The following CIT variants were observed in gnomAD, a reference collection of about 807,000 sequenced individuals.
CIT encodes citron rho-interacting serine/threonine kinase.
Under a neutral mutation model 272.7 loss-of-function variants are expected in CIT, and 79 were observed. The ratio of observed to expected loss-of-function variants is 0.29; its 90% CI spans 0.24 to 0.35. The LOEUF is 0.35. CIT is among the 10% of genes least tolerant of loss of function. CIT has a pLI of 1.00. For missense variants in CIT, 1,909 were observed against 2,618.3 expected (o/e 0.73, Z 5.91); for synonymous variants, 948 against 995.6 (o/e 0.95, Z 0.90).
Position 119,712,808 on chromosome 12 carries a change from A to C in CIT, c.4580-113T>G. 2 of 798,698 alleles carry C rather than the reference A, an allele frequency of 2.5e-6. No individual in the cohort carries two copies. Among genetic ancestry groups the C allele is most frequent in the Non-Finnish European group, 4.1e-6 (2 of 483,096 alleles). 49.5% of individuals were successfully genotyped at this position (798,698 alleles called of 1,614,324 possible). On this transcript the variant is annotated intron_variant, in intron 35 of 47. Transcript: ENST00000392521. This position sits in a 1 kb window ranked among gnomAD's most constrained non-coding sequence, Gnocchi z 5.2. ...GAGAGAGAGACAGGGTACGTGTGTA[A>C]AGAGAGGCGCACGAGAACAAGGAAG...
At chr12:119,854,375 C>G (rs1336007122) in intron 4 of CIT, among the ~76,000 whole-genome samples, 1 of 151,406 alleles carries the variant, frequency 6.6e-6, no homozygotes, top group Non-Finnish European at 1.5e-5. Flanking sequence ...CAGTGGCTCA[C>G]GCCTGTAATC....
In CIT at chr12:119,822,908, C is replaced by G. The variant is rs776602498; in HGVS notation, c.1023G>C (p.Leu341Phe). 2.1e-5 allele frequency: 34 copies of G among 1,614,030 alleles called. No individual in the cohort carries two copies. The highest frequency in any genetic ancestry group is 2.8e-5 in the Non-Finnish European group (33 of 1,180,022). ...TCAGTCTCTCTTTCTGGCCGCACAA[C>G]AAGCTTTGAATCAGATCAAGAAAGT... ...SSDFLDLIQSLLCGQKERLKF... is the reference protein window; with the variant it reads ...SSDFLDLIQSFLCGQKERLKF... Residue 341 changes from leucine (L) to phenylalanine (F), a missense_variant, in exon 9 of 48, where the codon TTG (leucine) becomes TTC (phenylalanine). Leu to Phe is a conservative substitution (Grantham distance 22). This residue lies in a region of CIT where 529 missense variants were observed against 549.6 expected (regional missense o/e 0.96). Transcript: ENST00000392521.
rs920257555 is a variant in CIT at position 119,701,882 on chromosome 12, T to C, written c.5381A>G (p.Tyr1794Cys). Residue 1794 changes from tyrosine (Y) to cysteine (C), a missense_variant, in exon 42 of 48, where the codon TAC becomes TGC. Physicochemically the swap from Tyr to Cys is radical, Grantham distance 194 (BLOSUM62 -2). Transcript: ENST00000392521. ...YSILIGTNKFYEIDMKQYTLE... is the reference protein window; with the variant it reads ...YSILIGTNKFCEIDMKQYTLE... ...CGTGTACTGCTTCATGTCGATTTCG[T>C]AGAATTTATTGGTTCCAATGAGGAT... 6.2e-7 allele frequency: 1 copy of C among 1,614,118 alleles called. No individual in the cohort carries two copies. The highest frequency in any genetic ancestry group is 8.5e-7 in the Non-Finnish European group (1 of 1,180,002).
At chr12:119,721,131 TA>T (rs1482227078) in intron 29 of CIT, among the ~76,000 whole-genome samples, 177 bp downstream of exon 29, 1 of 152,150 alleles carries the variant, frequency 6.6e-6, no homozygotes, top group Non-Finnish European at 1.5e-5. Flanking sequence ...CACGCCAGGC[TA>T]ATTTTTGTAT....
chr12:119,830,404 TCCA>T (rs564287329), intron 7 of CIT, among the ~76,000 whole-genome samples: 163 of 152,092 alleles, frequency 1.1e-3, no homozygotes, highest in African/African-American at 3.8e-3. Flanking sequence ...ACCCTGTCTC[TCCA>T]CCAAGAGCTC....
rs763084601 is a variant in CIT, at chr12:119,834,145, A to C, written c.600T>G (p.Phe200Leu). Reference protein sequence around the residue: ...EDQLDENLIQFYLAELILAVH... With the variant: ...EDQLDENLIQLYLAELILAVH... The stretch of plus-strand genomic sequence containing the variant: ...CAGCCAAAATCAGCTCAGCTAGGTA[A>C]AACTGTATCAGGTTTTCATCTAACT... The change falls in exon 6 of 48, where the codon TTT becomes TTG. Residue 200 changes from phenylalanine (F) to leucine (L), a missense_variant. Coordinates refer to ENST00000392521, the MANE Select transcript of CIT (RefSeq NM_001206999.2). 6.2e-7 allele frequency: 1 copy of C among 1,614,146 alleles called. No individual in the cohort carries two copies.
intron 4 of CIT, among the ~76,000 whole-genome samples, chr12:119,852,658 G>A (rs1338263989): frequency 5.3e-5 from 8 of 151,290 alleles, no homozygotes; most frequent in African/African-American, 1.2e-4. Context: ...CTGAGATCTC[G>A]CCACTGCACT....
intron 10 of CIT, among the ~76,000 whole-genome samples, chr12:119,792,695 G>A (rs1002569974): frequency 6.6e-5 from 10 of 152,066 alleles, no homozygotes; most frequent in Admixed American, 2.6e-4. Flanking sequence ...GGATGGTCTC[G>A]GTCTCCCAAC....
At chr12:119,873,410 T>C (rs1430943102) in intron 2 of CIT, among the ~76,000 whole-genome samples, 2 of 152,012 alleles carry the variant, frequency 1.3e-5, no homozygotes, top group African/African-American at 4.8e-5. Context: ...CCCGAGTAGC[T>C]GGGACTACAG....
intron 4 of CIT, among the ~76,000 whole-genome samples, chr12:119,854,331 A>G (rs1304272510): frequency 2.0e-5 from 3 of 150,768 alleles, no homozygotes; most frequent in Admixed American, 1.3e-4. Context: ...CCGGCCCACA[A>G]AATTTTTTTT....
At position 119,713,788 on chromosome 12, in the gene CIT, G is replaced by T; in HGVS notation, c.4307-140C>A. On this transcript the variant is annotated intron_variant, in intron 33 of 47. Coordinates refer to ENST00000392521, the MANE Select transcript of CIT (RefSeq NM_001206999.2). This position sits in a 1 kb window ranked among gnomAD's most constrained non-coding sequence, Gnocchi z 5.2. Reference sequence around the variant, plus strand: ...CCCTGGCTTGCAGGTAGTCTCCTGAGCTTCCCCTGGTGCCAGGCCCCTGCA... The same window carrying T: ...CCCTGGCTTGCAGGTAGTCTCCTGATCTTCCCCTGGTGCCAGGCCCCTGCA... The T allele has an allele frequency of 1.2e-6, 1 of 845,424 alleles. No homozygotes were observed. The highest frequency in any genetic ancestry group is 1.9e-6 in the Non-Finnish European group (1 of 528,038). 52.4% of individuals were successfully genotyped at this position (845,424 alleles called of 1,614,324 possible). A position where few individuals can be genotyped will look rare whatever the true frequency, so the allele number is the denominator to read the frequency against.
intron 1 of CIT, among the ~76,000 whole-genome samples, chr12:119,876,862 C>G (rs1165818085): frequency 6.6e-6 from 1 of 152,024 alleles, no homozygotes; most frequent in South Asian, 2.1e-4. Context: ...GGGGTGGGCA[C>G]GGGGTATGAA....
In CIT at chr12:119,688,214, G is replaced by A. The variant is rs775064750; in HGVS notation, c.*18C>T. On this transcript the variant is annotated 3_prime_UTR_variant, in exon 48 of 48. Coordinates refer to ENST00000392521, the MANE Select transcript of CIT (RefSeq NM_001206999.2). Reference sequence around the variant, plus strand: ...TTCCTGCAGATCAAGATGAGGAGTTGGTTTTTCTGGCTGAGATTTATACTG... The same window carrying A: ...TTCCTGCAGATCAAGATGAGGAGTTAGTTTTTCTGGCTGAGATTTATACTG... 1 of 1,611,896 alleles carries A rather than the reference G, an allele frequency of 6.2e-7. No individual in the cohort carries two copies. The highest frequency in any genetic ancestry group is 8.5e-7 in the Non-Finnish European group (1 of 1,177,866).
In CIT at chr12:119,708,333, GAAC is replaced by G. The variant is rs758210831; in HGVS notation, c.5072-18_5072-16del. On this transcript the variant is annotated splice_polypyrimidine_tract_variant and intron_variant, in intron 39 of 47. Coordinates refer to ENST00000392521, the MANE Select transcript of CIT (RefSeq NM_001206999.2). ...CCGCTCTTCTCCTGAACAGGAAAAGGAACAACCTCTCGTCAGTGTGAAGCCGTT... is the reference window on the plus strand; with the variant it reads ...CCGCTCTTCTCCTGAACAGGAAAAGGAACCTCTCGTCAGTGTGAAGCCGTT... 7.7e-6 allele frequency: 12 copies of G among 1,567,194 alleles called. No homozygotes were observed. In the Admixed American group the frequency reaches 2.0e-4, roughly 27 times the overall value.
At chr12:119,756,600 GT>G (rs1961017399) in intron 22 of CIT, among the ~76,000 whole-genome samples, 1 of 152,174 alleles carries the variant, frequency 6.6e-6, no homozygotes, top group Admixed American at 6.5e-5. Flanking sequence ...AGGGAGAGTA[GT>G]CTTCCATCTT....
chr12:119,833,404 T>C (rs1968776357), intron 6 of CIT, among the ~76,000 whole-genome samples: 1 of 152,116 alleles, frequency 6.6e-6, no homozygotes. Context: ...TGGTGGCTCA[T>C]GCCTGTAATC....
rs929456956 is a variant in CIT at position 119,687,052 on chromosome 12, G to C, written c.*1180C>G. Reference sequence around the variant, plus strand: ...AGGGGACACTGAGTGGGAGGTGGTGGTTTGCTGAAATCCTTCTCTGGTCGT... The same window carrying C: ...AGGGGACACTGAGTGGGAGGTGGTGCTTTGCTGAAATCCTTCTCTGGTCGT... On this transcript the variant is annotated 3_prime_UTR_variant, in exon 48 of 48. Coordinates refer to ENST00000392521, the MANE Select transcript of CIT (RefSeq NM_001206999.2). 6.5e-6 allele frequency: 1 copy of C among 153,098 alleles called. No homozygotes were observed. The allele number at this position is 153,098 out of a possible 1,614,324, so 9.5% of individuals were successfully genotyped here.
intron 3 of CIT, among the ~76,000 whole-genome samples, chr12:119,861,455 C>T (rs1950334820): frequency 6.6e-6 from 1 of 151,994 alleles, no homozygotes; most frequent in Admixed American, 6.6e-5. Context: ...GGTGTCGTGG[C>T]GCATGCCTGC....
intron 7 of CIT, among the ~76,000 whole-genome samples, chr12:119,826,045 G>A (rs1968133394): frequency 6.6e-6 from 1 of 152,190 alleles, no homozygotes; most frequent in African/African-American, 2.4e-5. Flanking sequence ...TGCAGCCTGG[G>A]TGACAGCGAG....
Sources: gnomAD v4.1 joint callset for allele counts (sites outside exome capture counted in the v4.1 genomes callset) on GRCh38, gnomAD v4.1.1 for gene constraint, gnomAD v4.1.1 regional missense constraint, Gnocchi (gnomAD v3.1) non-coding constraint, MANE v1.5 for transcripts, NCBI Gene and HGNC (gene_info 2026-07-23, HGNC 2026-07-21) for gene names.